The following NLRP1 variants were observed in gnomAD, a reference collection of about 807,000 sequenced individuals.
The protein encoded by NLRP1 is NACHT, LRR and PYD domains-containing protein 1.
Under a neutral mutation model 136.7 loss-of-function variants are expected in NLRP1, and 94 were observed. The ratio of observed to expected loss-of-function variants is 0.69; its 90% CI spans 0.58 to 0.82. The LOEUF (loss-of-function observed/expected upper bound fraction) is 0.82. NLRP1 is among the 40% of genes least tolerant of loss of function. The probability of loss-of-function intolerance (pLI) is 0.00; values close to 1 mark genes in which losing one functional copy is unlikely to be tolerated. For synonymous variants in NLRP1, 690 were observed against 725.1 expected (o/e 0.95, Z 0.78); for missense variants, 1,575 against 1,802.7 (o/e 0.87, Z 2.29).
Position 5,521,451 on chromosome 17 carries a change from G to A in NLRP1, c.3783+73C>T, listed in dbSNP as rs1000028564. The A allele has an allele frequency of 9.9e-6, 15 of 1,517,398 alleles. No individual in the cohort carries two copies. In the Admixed American group the frequency reaches 1.2e-4, roughly 13 times the overall value. 94.0% of individuals were successfully genotyped at this position (1,517,398 alleles called of 1,614,324 possible). A position where few individuals can be genotyped will look rare whatever the true frequency, so the allele number is the denominator to read the frequency against. ...CTTGGTCCCAGTTGAAGACCCTCTA[G>A]GGGGCTCTCTGGCTGCATTTTGTGT... On this transcript the variant is annotated intron_variant, in intron 13 of 16. Coordinates refer to ENST00000572272, the MANE Select transcript of NLRP1 (RefSeq NM_033004.4).
intron 14 of NLRP1, among the ~76,000 whole-genome samples, chr17:5,518,798 G>A (rs567101160): frequency 2.0e-5 from 3 of 151,186 alleles, no homozygotes; most frequent in East Asian, 1.9e-4. Context: ...CCAAAGTGAT[G>A]GAATTACAGG....
rs200731752 is a variant in NLRP1 at position 5,533,369 on chromosome 17, T to C, written c.3068A>G (p.His1023Arg). 1.2e-5 allele frequency: 15 copies of C among 1,245,542 alleles called. No homozygotes were observed. The highest frequency in any genetic ancestry group is 1.8e-4 in the Middle Eastern group (1 of 5,446). 77.2% of individuals were successfully genotyped at this position (1,245,542 alleles called of 1,614,324 possible). The change falls in exon 10 of 17, where the codon CAT becomes CGT. Residue 1023 changes from histidine (H) to arginine (R), a missense_variant. His to Arg is a conservative substitution (Grantham distance 29). Coordinates refer to ENST00000572272, the MANE Select transcript of NLRP1 (RefSeq NM_033004.4). ...GAGTTTGAGATTAGCCTGAGCAACATGGGAAGCCGCCCTCTCTACAGAAAA... is the reference window on the plus strand; with the variant it reads ...GAGTTTGAGATTAGCCTGAGCAACACGGGAAGCCGCCCTCTCTACAGAAAA... Reference protein sequence around the residue: ...QRLGSERAASHVAQANLKLLD... With the variant: ...QRLGSERAASRVAQANLKLLD...
Position 5,514,534 on chromosome 17 carries a change from A to G in NLRP1, c.*220T>C. 7.1e-7 allele frequency: 1 copy of G among 1,412,794 alleles called. No homozygotes were observed. Among genetic ancestry groups the G allele is most frequent in the Non-Finnish European group, 9.2e-7 (1 of 1,086,286 alleles). 87.5% of individuals were successfully genotyped at this position (1,412,794 alleles called of 1,614,324 possible). The stretch of plus-strand genomic sequence containing the variant: ...TCTGCAGGGGTCTTGCCAGCTCCAG[A>G]TGGACATTCCCTGAGATGCTGTTAG... On this transcript the variant is annotated 3_prime_UTR_variant, in exon 17 of 17. Transcript: ENST00000572272.
At chr17:5,506,765 G>A (rs1451784173) in intron 15 of NLRP1, among the ~76,000 whole-genome samples, 1 of 151,586 alleles carries the variant, frequency 6.6e-6, no homozygotes, top group Non-Finnish European at 1.5e-5. Flanking sequence ...AGCTGGGCAT[G>A]ATGGTCGACA....
At chr17:5,579,733 C>A (rs1184918995) in intron 3 of NLRP1, among the ~76,000 whole-genome samples, 1 of 152,086 alleles carries the variant, frequency 6.6e-6, no homozygotes, top group East Asian at 1.9e-4. Context: ...TACTACACAG[C>A]CATAAAAATG....
intron 12 of NLRP1, 60 bp from the exon 13 acceptor site, chr17:5,521,846 C>CA (rs1315849121): frequency 1.8e-5 from 27 of 1,478,836 alleles, no homozygotes; most frequent in Admixed American, 4.6e-5. Context: ...TTTGTTGAGA[C>CA]AGAGTTTCGC....
At chr17:5,555,616 C>T (rs1567657463) in intron 4 of NLRP1, among the ~76,000 whole-genome samples, 1 of 152,114 alleles carries the variant, frequency 6.6e-6, no homozygotes, top group Non-Finnish European at 1.5e-5. Context: ...GATTTCCCAC[C>T]TGTCCACTGC....
intron 12 of NLRP1, among the ~76,000 whole-genome samples, chr17:5,522,979 C>T (rs542341791): frequency 1.4e-3 from 217 of 152,094 alleles, no homozygotes; most frequent in African/African-American, 5.0e-3. Context: ...GCCAAGCCCC[C>T]CACTCAGGAT....
rs2151833072 is a variant in NLRP1, at chr17:5,583,953, G to A, written c.5C>T (p.Ala2Val). M[A>V]GGAWGRLACY... is the part of the protein sequence containing the mutation. ...GGCCAGGCGGCCCCAGGCTCCGCCA[G>A]CCATCTCTGTCCCGGAGTTAAGAGG... is the stretch of plus-strand genomic sequence containing the variant. The change falls in exon 1 of 17, where the codon GCT (alanine) becomes GTT (valine). Residue 2 changes from alanine to valine, a missense_variant. By Grantham distance (64) the Ala-to-Val change is moderately conservative. Transcript: ENST00000572272. This position sits in a 1 kb window ranked among gnomAD's most constrained non-coding sequence, Gnocchi z 4.5. The A allele has an allele frequency of 1.2e-6, 2 of 1,608,798 alleles. No homozygotes were observed. The highest frequency in any genetic ancestry group is 1.7e-6 in the Non-Finnish European group (2 of 1,177,416).
chr17:5,570,262 G>C (rs1356164370), intron 3 of NLRP1, among the ~76,000 whole-genome samples: 3 of 151,792 alleles, frequency 2.0e-5, no homozygotes, highest in African/African-American at 7.3e-5. Flanking sequence ...CAAAATCAGA[G>C]CTGAACTGAA....
At chr17:5,527,054 C>T (rs1909649154) in intron 12 of NLRP1, among the ~76,000 whole-genome samples, 1 of 152,238 alleles carries the variant, frequency 6.6e-6, no homozygotes, top group Non-Finnish European at 1.5e-5. Context: ...GCAAGCATTT[C>T]TGGAAGGGGC....
At chr17:5,515,133 T>A in intron 16 of NLRP1, 60 bp from the exon 17 acceptor site, 1 of 1,457,860 alleles carries the variant, frequency 6.9e-7, no homozygotes, top group Non-Finnish European at 9.5e-7. Flanking sequence ...CCACCTTCAG[T>A]GCTTTCCTCT....
Position 5,560,032 on chromosome 17 carries a change from T to C in NLRP1, c.664A>G (p.Arg222Gly), listed in dbSNP as rs757650018. ...SGIYYTEIRE[R>G]EREKSEKGRP... ...CCTTTCTCTGATTTCTCTCTCTCTC[T>C]TTCTCTGATTTCTAAGTAAGGGAGG... Residue 222 changes from arginine to glycine, a missense_variant, in exon 4 of 17, where the codon AGA (arginine) becomes GGA (glycine). Coordinates refer to ENST00000572272, the MANE Select transcript of NLRP1 (RefSeq NM_033004.4). 27 of 1,557,456 alleles carry C rather than the reference T, an allele frequency of 1.7e-5. No homozygotes were observed. Among genetic ancestry groups the C allele is most frequent in the Non-Finnish European group, 2.3e-5 (27 of 1,156,290 alleles).
At chr17:5,557,584 G>A (rs1165953449) in intron 4 of NLRP1, among the ~76,000 whole-genome samples, 1 of 152,160 alleles carries the variant, frequency 6.6e-6, no homozygotes, top group Admixed American at 6.5e-5. Flanking sequence ...GTGATCTGTA[G>A]GGCCTGGCAT....
chr17:5,582,738 C>T lies in NLRP1; in HGVS notation c.380G>A (p.Gly127Glu), dbSNP rs1905822749. The T allele has an allele frequency of 6.2e-7, 1 of 1,614,138 alleles. No homozygotes were observed. The highest frequency in any genetic ancestry group is 8.5e-7 in the Non-Finnish European group (1 of 1,180,020). The change falls in exon 2 of 17, where the codon GGG (glycine) becomes GAG (glutamate). Residue 127 changes from glycine (G) to glutamate (E), a missense_variant. By Grantham distance (98) the Gly-to-Glu change is moderately conservative. Transcript: ENST00000572272. ...LMPWIHELPA[G>E]CTQGSERRVL... ...CCTTCTCTCTGAGCCCTGGGTGCAC[C>T]CCGCCGGCAATTCATGGATCCAGGG...
intron 11 of NLRP1, 63 bp from the exon 12 acceptor site, chr17:5,530,767 C>T (rs568834475): frequency 2.3e-6 from 3 of 1,325,990 alleles, no homozygotes; most frequent in East Asian, 2.3e-5. Context: ...TGCTGGATGC[C>T]AGACCCCATG....
At chr17:5,529,431 G>A (rs1308571363) in intron 12 of NLRP1, among the ~76,000 whole-genome samples, 13 of 150,320 alleles carry the variant, frequency 8.6e-5, no homozygotes, top group Non-Finnish European at 1.5e-4. Context: ...GCAGTGGTGC[G>A]ATCTTGGCTC....
chr17:5,558,875 C>T lies in NLRP1; in HGVS notation c.1821G>A (p.Met607Ile). The T allele has an allele frequency of 1.2e-6, 2 of 1,613,858 alleles. No individual in the cohort carries two copies. The highest frequency in any genetic ancestry group is 1.7e-6 in the Non-Finnish European group (2 of 1,179,750). The change falls in exon 4 of 17, where the codon ATG becomes ATA. Residue 607 changes from methionine to isoleucine, a missense_variant. By Grantham distance (10) the Met-to-Ile change is conservative. Coordinates refer to ENST00000572272, the MANE Select transcript of NLRP1 (RefSeq NM_033004.4). ...DGAIISTFLK[M>I]GILQEHPIPL... ...GGATGGGGTGCTCTTGAAGAATACC[C>T]ATCTTCAAGAAGGTGGAGATGATGG... is the stretch of plus-strand genomic sequence containing the variant.
intron 11 of NLRP1, among the ~76,000 whole-genome samples, chr17:5,531,171 C>CT (rs1910207750): frequency 1.5e-5 from 2 of 135,074 alleles, no homozygotes; most frequent in East Asian, 2.3e-4. Context: ...TCTAATCTAT[C>CT]TAATCTATCT....
Sources: gnomAD v4.1 joint callset for allele counts (sites outside exome capture counted in the v4.1 genomes callset) on GRCh38, gnomAD v4.1.1 for gene constraint, Gnocchi (gnomAD v3.1) non-coding constraint, MANE v1.5 for transcripts, NCBI Gene and HGNC (gene_info 2026-07-23, HGNC 2026-07-21) for gene names.